The following SMAP1 variants were observed in gnomAD, a reference collection of about 807,000 sequenced individuals.
SMAP1 encodes stromal membrane-associated protein 1.
A neutral mutation model predicts 58.5 loss-of-function variants in SMAP1; 24 were observed. The ratio of observed to expected loss-of-function variants is 0.41; its 90% CI spans 0.30 to 0.58. The LOEUF (loss-of-function observed/expected upper bound fraction) is 0.58. Ranked by LOEUF, SMAP1 falls within the 20% of genes least tolerant of loss-of-function variation. The pLI is 0.29. For synonymous variants in SMAP1, 216 were observed against 196.6 expected, an observed-to-expected ratio of 1.10 and a Z score of -0.82; for missense variants, 563 against 566.3, an observed-to-expected ratio of 0.99 and a Z score of 0.06.
intron 1 of SMAP1, among the ~76,000 whole-genome samples, chr6:70,687,844 A>G (rs546969388): frequency 5.5e-4 from 83 of 152,156 alleles, no homozygotes; most frequent in African/African-American, 1.8e-3. Flanking sequence ...TTTTTATTCA[A>G]TTTTATCAAA....
At chr6:70,838,740 G>C (rs1431570207) in intron 7 of SMAP1, among the ~76,000 whole-genome samples, 2 of 151,950 alleles carry the variant, frequency 1.3e-5, no homozygotes, top group Admixed American at 6.6e-5. Flanking sequence ...AAGGAAGGAG[G>C]GGGTAGGGAG....
At chr6:70,768,676 T>C (rs1301406080) in intron 3 of SMAP1, among the ~76,000 whole-genome samples, 1 of 151,586 alleles carries the variant, frequency 6.6e-6, no homozygotes, top group Non-Finnish European at 1.5e-5. Context: ...GGTCTATCAA[T>C]TTTGTTGATC....
intron 1 of SMAP1, among the ~76,000 whole-genome samples, chr6:70,719,986 T>C (rs1272443787): frequency 2.6e-5 from 4 of 152,192 alleles, no homozygotes; most frequent in Non-Finnish European, 5.9e-5. Context: ...AGACTAATCA[T>C]GCCTTCCCAA....
intron 1 of SMAP1, among the ~76,000 whole-genome samples, chr6:70,724,554 A>G (rs1363792332): frequency 6.6e-6 from 1 of 152,226 alleles, no homozygotes; most frequent in East Asian, 1.9e-4. Flanking sequence ...CTTGCCTTCC[A>G]TTAATGCTTC....
At chr6:70,858,380 T>C (rs1771536903) in intron 10 of SMAP1, 151 bp downstream of exon 10, 6 of 625,636 alleles carry the variant, frequency 9.6e-6, no homozygotes, top group Non-Finnish European at 1.5e-5. Context: ...AAAGTATCTA[T>C]AAATATTATG....
chr6:70,838,344 G>A (rs1770678805), intron 7 of SMAP1, among the ~76,000 whole-genome samples: 1 of 152,142 alleles, frequency 6.6e-6, no homozygotes, highest in Admixed American at 6.5e-5. Flanking sequence ...AGGTACCATT[G>A]TAGATACTAG....
chr6:70,676,239 C>G (rs1183273720), intron 1 of SMAP1, among the ~76,000 whole-genome samples: 1 of 152,158 alleles, frequency 6.6e-6, no homozygotes, highest in Non-Finnish European at 1.5e-5. Flanking sequence ...TTTGAATCTT[C>G]TTAGCAAATT....
chr6:70,832,725 G>T (rs985649545), intron 6 of SMAP1, among the ~76,000 whole-genome samples: 2 of 152,124 alleles, frequency 1.3e-5, no homozygotes, highest in Admixed American at 6.5e-5. Flanking sequence ...GAACAAGAGG[G>T]GGCCGAAATT....
rs936162128 is a variant in SMAP1 at position 70,769,961 on chromosome 6, C to G, written c.339-3389C>G. ...AGGGCAGGCCTGGTGGTGACAAAAT[C>G]TCTCAGCATTTGCTTGTCTGTAAAG... is the stretch of plus-strand genomic sequence containing the variant. On this transcript the variant is annotated intron_variant, in intron 3 of 10. Transcript: ENST00000370455. Among the ~76,000 whole-genome samples the G allele has an allele frequency of 1.2e-3, 181 of 151,648 alleles. 1 individual carries two copies. Among genetic ancestry groups the G allele is most frequent in the Non-Finnish European group, 2.3e-3 (156 of 67,786 alleles).
intron 1 of SMAP1, among the ~76,000 whole-genome samples, chr6:70,671,066 T>C (rs1766243396): frequency 6.6e-6 from 1 of 152,216 alleles, no homozygotes; most frequent in Non-Finnish European, 1.5e-5. Flanking sequence ...GCAGCTCTTG[T>C]TGGTTATTAG....
chr6:70,790,809 C>G (rs1232543348), intron 4 of SMAP1, among the ~76,000 whole-genome samples: 1 of 152,140 alleles, frequency 6.6e-6, no homozygotes, highest in Non-Finnish European at 1.5e-5. Flanking sequence ...CTCATAGGCA[C>G]TATTGATATG....
intron 4 of SMAP1, among the ~76,000 whole-genome samples, chr6:70,788,193 C>T (rs865875262): frequency 2.7e-5 from 4 of 150,136 alleles, no homozygotes; most frequent in African/African-American, 7.4e-5. Flanking sequence ...AGCAAACTAT[C>T]GCAAGGACAA....
Position 70,694,949 on chromosome 6 carries a change from G to GT in SMAP1, c.118+26815dup, listed in dbSNP as rs150648516. The stretch of plus-strand genomic sequence containing the variant: ...ATCCATGAACATGGAATATATTTCC[G>GT]TTTTTTTGTGCGTCTTTTTCAGTTT... On this transcript the variant is annotated intron_variant, in intron 1 of 10. Coordinates refer to ENST00000370455, the MANE Select transcript of SMAP1 (RefSeq NM_001044305.3). 2.6e-5 allele frequency among the ~76,000 whole-genome samples: 4 copies of GT among 152,166 alleles called. No individual in the cohort carries two copies. The East Asian group carries it at 5.8e-4, about 22-fold the overall frequency.
intron 4 of SMAP1, among the ~76,000 whole-genome samples, chr6:70,776,053 T>G (rs1019954624): frequency 6.6e-6 from 1 of 152,200 alleles, no homozygotes; most frequent in Admixed American, 6.5e-5. Flanking sequence ...AGGACATGAC[T>G]GTTAGAGACA....
chr6:70,721,942 C>T (rs930378548), intron 1 of SMAP1, among the ~76,000 whole-genome samples: 1 of 152,148 alleles, frequency 6.6e-6, no homozygotes. Flanking sequence ...CTGGGAGACA[C>T]AATTCAAGTT....
chr6:70,675,953 G>A (rs1053650072), intron 1 of SMAP1, among the ~76,000 whole-genome samples: 5 of 152,206 alleles, frequency 3.3e-5, no homozygotes, highest in African/African-American at 1.2e-4. Flanking sequence ...ATTGGCATAT[G>A]TGCCAGCCAG....
intron 1 of SMAP1, among the ~76,000 whole-genome samples, chr6:70,690,392 C>A (rs562610797): frequency 1.3e-5 from 2 of 151,844 alleles, no homozygotes; most frequent in African/African-American, 4.8e-5. Context: ...CTGCAACCTC[C>A]GCCTCCTGGG....
At chr6:70,798,894 C>T (rs758850097) in intron 6 of SMAP1, among the ~76,000 whole-genome samples, 157 bp downstream of exon 6, 1 of 152,090 alleles carries the variant, frequency 6.6e-6, no homozygotes, top group South Asian at 2.1e-4. Context: ...GTCCTTCTAG[C>T]TTGTCTCTGT....
At chr6:70,695,126 A>T (rs1019259541) in intron 1 of SMAP1, among the ~76,000 whole-genome samples, 1 of 152,084 alleles carries the variant, frequency 6.6e-6, no homozygotes, top group African/African-American at 2.4e-5. Context: ...TGATTTTTGT[A>T]TATTGATTGT....
Sources: gnomAD v4.1 joint callset for allele counts (sites outside exome capture counted in the v4.1 genomes callset) on GRCh38, gnomAD v4.1.1 for gene constraint, MANE v1.5 for transcripts, NCBI Gene and HGNC (gene_info 2026-07-23, HGNC 2026-07-21) for gene names.